WNT9B: variants seen among roughly 807,000 people sequenced by gnomAD.
WNT9B encodes the protein Wnt family member 9B.
WNT9B carries 12 observed loss-of-function variants against 30.2 expected under a neutral mutation model. The observed-to-expected ratio is 0.40, with a 90% CI of 0.26 to 0.64. WNT9B has a LOEUF of 0.64. WNT9B is among the 30% of genes least tolerant of loss of function. The probability of loss-of-function intolerance (pLI) is 0.42; values close to 1 mark genes in which losing one functional copy is unlikely to be tolerated. For missense variants in WNT9B, 442 were observed against 485.2 expected (o/e 0.91, Z 0.84); for synonymous variants, 218 against 216.9 (o/e 1.01, Z -0.05).
chr17:46,838,777 G>A lies in WNT9B; in HGVS notation c.95+5337G>A, dbSNP rs118033034. 7.0e-3 allele frequency among the ~76,000 whole-genome samples: 1,071 copies of A among 152,206 alleles called. 7 individuals carry two copies. Among genetic ancestry groups the A allele is most frequent in the Non-Finnish European group, 8.0e-3 (547 of 68,008 alleles). Reference sequence around the variant, plus strand: ...AAGCAGATGCAGTCCATAAAAATCCGGGTTTACAAAAACAGATAATTTGGC... The same window carrying A: ...AAGCAGATGCAGTCCATAAAAATCCAGGTTTACAAAAACAGATAATTTGGC... On this transcript the variant is annotated intron_variant, in intron 1 of 2. Coordinates refer to the WNT9B transcript ENST00000575372.
chr17:46,867,219 C>T (rs2085154150), intron 1 of WNT9B, among the ~76,000 whole-genome samples: 1 of 152,242 alleles, frequency 6.6e-6, no homozygotes, highest in Admixed American at 6.5e-5. Context: ...TGTCCCAGCA[C>T]AGTACCTGGC....
intron 1 of WNT9B, among the ~76,000 whole-genome samples, chr17:46,862,841 C>T (rs918161389): frequency 6.6e-6 from 1 of 152,202 alleles, no homozygotes; most frequent in African/African-American, 2.4e-5. Flanking sequence ...GCCTCGGCCT[C>T]CCAGAGTGCT....
chr17:46,884,213 T>A (rs1017615480), downstream of WNT9B, among the ~76,000 whole-genome samples: 3 of 152,222 alleles, frequency 2.0e-5, no homozygotes, highest in African/African-American at 7.2e-5. Context: ...GCTGTCTTCA[T>A]GCAGCCAGCC....
chr17:46,869,127 G>A (rs1282692095), intron 1 of WNT9B, among the ~76,000 whole-genome samples: 2 of 152,210 alleles, frequency 1.3e-5, no homozygotes, highest in Non-Finnish European at 2.9e-5. Context: ...GCCCTGGGCA[G>A]ACCAGGGCCC....
At chr17:46,874,417 G>A (rs931305020) in intron 2 of WNT9B, among the ~76,000 whole-genome samples, 1 of 152,172 alleles carries the variant, frequency 6.6e-6, no homozygotes, top group African/African-American at 2.4e-5. Context: ...GGCAGGTTTA[G>A]CCCCAACTGT....
intron 2 of WNT9B, among the ~76,000 whole-genome samples, chr17:46,874,527 G>T (rs1248885401): frequency 6.6e-6 from 1 of 151,978 alleles, no homozygotes; most frequent in African/African-American, 2.4e-5. Flanking sequence ...TGGGAATCTG[G>T]GAACATACTC....
chr17:46,874,423 A>G (rs770797811), intron 2 of WNT9B, among the ~76,000 whole-genome samples: 125 of 152,204 alleles, frequency 8.2e-4, no homozygotes, highest in Non-Finnish European at 1.1e-3. Context: ...TTTAGCCCCA[A>G]CTGTGCCTAC....
At chr17:46,855,077 C>A (rs1294744082) in intron 1 of WNT9B, among the ~76,000 whole-genome samples, 3 of 148,026 alleles carry the variant, frequency 2.0e-5, no homozygotes, top group African/African-American at 7.6e-5. Context: ...AAGGTTCAGT[C>A]AGTCACCCAG....
intron 1 of WNT9B, among the ~76,000 whole-genome samples, chr17:46,842,911 G>A (rs1244700192): frequency 1.3e-5 from 2 of 152,232 alleles, no homozygotes; most frequent in African/African-American, 4.8e-5. Flanking sequence ...TGGACAGGGA[G>A]TGTTGTATCC....
At chr17:46,849,923 C>T (rs938589289), upstream of WNT9B, among the ~76,000 whole-genome samples, 5 of 151,316 alleles carry the variant, frequency 3.3e-5, no homozygotes, top group Middle Eastern at 3.4e-3. Flanking sequence ...TTTCGGCTCA[C>T]TGCAACCTCC....
At chr17:46,881,365 C>T (rs1036068375), downstream of WNT9B, among the ~76,000 whole-genome samples, 2 of 152,258 alleles carry the variant, frequency 1.3e-5, no homozygotes, top group Admixed American at 6.5e-5. Flanking sequence ...ATGACAGACA[C>T]GTCCACATGC....
chr17:46,866,491 T>C (rs1453039130), intron 1 of WNT9B, among the ~76,000 whole-genome samples: 1 of 151,856 alleles, frequency 6.6e-6, no homozygotes, highest in East Asian at 1.9e-4. Flanking sequence ...TTTGTGTGTG[T>C]AGGGGGATCA....
At chr17:46,840,715 C>T (rs1392879059) in intron 1 of WNT9B, among the ~76,000 whole-genome samples, 2 of 152,202 alleles carry the variant, frequency 1.3e-5, no homozygotes, top group Non-Finnish European at 2.9e-5. Flanking sequence ...GAGATGGTAT[C>T]TCATTGTGGT....
chr17:46,838,948 G>A (rs926298379), intron 1 of WNT9B, among the ~76,000 whole-genome samples: 1 of 151,998 alleles, frequency 6.6e-6, no homozygotes, highest in Non-Finnish European at 1.5e-5. Context: ...AGTGATCTTG[G>A]CTCACTGCAA....
At chr17:46,845,913 TCTGAGTAGCTGGGATTA>T in intron 1 of WNT9B, among the ~76,000 whole-genome samples, 1 of 150,896 alleles carries the variant, frequency 6.6e-6, no homozygotes, top group East Asian at 2.0e-4. Context: ...GCTTCAGCCA[TCTGAGTAGCTGGGATTA>T]CAGGCACCTG....
chr17:46,851,815 C>G lies in WNT9B; in HGVS notation c.77+100C>G. ...TTTTCCCTCCCGCTGTCCTTGGCCC[C>G]GCCGAGGTCTCGAACTCAGACCCTA... On this transcript the variant is annotated intron_variant, in intron 1 of 3. Transcript: ENST00000290015. The surrounding 1 kb of genome is among the most constrained non-coding windows in gnomAD (Gnocchi z 4.3). 1 of 586,684 alleles carries G rather than the reference C, an allele frequency of 1.7e-6. No individual in the cohort carries two copies. Among genetic ancestry groups the G allele is most frequent in the South Asian group, 7.2e-5 (1 of 13,936 alleles). The allele number at this position is 586,684 out of a possible 1,614,324, so 36.3% of individuals were successfully genotyped here.
rs535708395 is a variant in WNT9B at position 46,858,090 on chromosome 17, C to T, written c.77+6375C>T. On this transcript the variant is annotated intron_variant, in intron 1 of 3. Coordinates refer to ENST00000290015, the MANE Select transcript of WNT9B (RefSeq NM_003396.3). ...GACTACAGGCATGCGCCACCATGCT[C>T]GGCTAATTTTTGTATTTGTAGTAGA... Among the ~76,000 whole-genome samples, 11 of 152,162 alleles carry T rather than the reference C, an allele frequency of 7.2e-5. No individual in the cohort carries two copies. In the East Asian group the frequency reaches 1.5e-3, roughly 21 times the overall value.
At chr17:46,860,260 G>C (rs1052328080) in intron 1 of WNT9B, among the ~76,000 whole-genome samples, 11 of 152,160 alleles carry the variant, frequency 7.2e-5, no homozygotes, top group African/African-American at 2.7e-4. Flanking sequence ...AAGCGGGGCC[G>C]GCAGACTCCC....
At position 46,859,388 on chromosome 17, in the gene WNT9B, GC is replaced by G. The variant is rs369533497; in HGVS notation, c.77+7675del. Among the ~76,000 whole-genome samples, 275 of 152,296 alleles carry G rather than the reference GC, an allele frequency of 1.8e-3. 2 individuals are homozygous for G. The highest frequency in any genetic ancestry group is 6.4e-3 in the African/African-American group (266 of 41,558). The stretch of plus-strand genomic sequence containing the variant: ...CATATGAATGTCCACGTGTTTCAGT[GC>G]CATTTGTTGAAATGATGATGTTTTC... On this transcript the variant is annotated intron_variant, in intron 1 of 3. Coordinates refer to ENST00000290015, the MANE Select transcript of WNT9B (RefSeq NM_003396.3).
Sources: gnomAD v4.1 joint callset for allele counts (sites outside exome capture counted in the v4.1 genomes callset) on GRCh38, gnomAD v4.1.1 for gene constraint, Gnocchi (gnomAD v3.1) non-coding constraint, MANE v1.5 for transcripts, NCBI Gene and HGNC (gene_info 2026-07-23, HGNC 2026-07-21) for gene names.